Variants in CFAP61 observed in about 807,000 individuals in gnomAD.
CFAP61 encodes the protein cilia- and flagella-associated protein 61.
CFAP61 carries 107 observed loss-of-function variants against 135.6 expected under a neutral mutation model. The observed-to-expected ratio is 0.79, with a 90% CI of 0.67 to 0.93. The LOEUF (loss-of-function observed/expected upper bound fraction) is 0.93. CFAP61 is among the 40% of genes least tolerant of loss of function. CFAP61 has a pLI of 0.00. For synonymous variants in CFAP61, 575 were observed against 578.5 expected, an observed-to-expected ratio of 0.99 and a Z score of 0.09; for missense variants, 1,507 against 1,556.2, an observed-to-expected ratio of 0.97 and a Z score of 0.53.
intron 9 of CFAP61, among the ~76,000 whole-genome samples, chr20:20,145,547 C>T (rs2424277): frequency 0.9 from 136,979 of 151,922 alleles, 62,564 homozygotes; most frequent in Middle Eastern, 0.99. Context: ...TAAATGTAAA[C>T]GTTCCAAATG....
intron 7 of CFAP61, among the ~76,000 whole-genome samples, chr20:20,097,824 C>T (rs1357555775): frequency 1.3e-5 from 2 of 152,226 alleles, no homozygotes; most frequent in Non-Finnish European, 2.9e-5. Flanking sequence ...CCCTATCAGA[C>T]TATCCAGTTA....
chr20:20,249,441 A>G (rs940426136), intron 19 of CFAP61, among the ~76,000 whole-genome samples: 4 of 152,096 alleles, frequency 2.6e-5, no homozygotes, highest in African/African-American at 9.7e-5. Context: ...CGAGAGTCTG[A>G]GCGGGGAGGA....
intron 2 of CFAP61, among the ~76,000 whole-genome samples, chr20:20,060,383 A>G (rs1226695739): frequency 6.6e-6 from 1 of 152,228 alleles, no homozygotes; most frequent in Non-Finnish European, 1.5e-5. Flanking sequence ...TCAAAACACA[A>G]GAAGGAATGT....
At chr20:20,335,115 A>ATCC (rs2058133683) in intron 25 of CFAP61, among the ~76,000 whole-genome samples, 2 of 152,132 alleles carry the variant, frequency 1.3e-5, no homozygotes, top group Admixed American at 6.6e-5. Context: ...AACATGTAGG[A>ATCC]CTCTGAGGAT....
intron 25 of CFAP61, among the ~76,000 whole-genome samples, chr20:20,340,992 G>T (rs1049397326): frequency 2.6e-5 from 4 of 152,130 alleles, no homozygotes; most frequent in Non-Finnish European, 2.9e-5. Flanking sequence ...TAACTTTTAC[G>T]TCTTGGAAAA....
chr20:20,323,106 T>C, intron 25 of CFAP61: 1 of 985,464 alleles, frequency 1.0e-6, no homozygotes, highest in Non-Finnish European at 1.2e-6. Flanking sequence ...TGTGAGCTAC[T>C]CTGCCACTCG....
chr20:20,064,327 T>C (rs1030427554), intron 2 of CFAP61, among the ~76,000 whole-genome samples: 1 of 152,346 alleles, frequency 6.6e-6, no homozygotes, highest in Non-Finnish European at 1.5e-5. Flanking sequence ...AAGCTCAGCA[T>C]ACAATTTATT....
intron 25 of CFAP61, among the ~76,000 whole-genome samples, chr20:20,327,231 C>T (rs752401909): frequency 6.6e-6 from 1 of 152,060 alleles, no homozygotes; most frequent in Non-Finnish European, 1.5e-5. Flanking sequence ...TCCAATACTT[C>T]TACTTTCTAT....
At chr20:20,277,102 G>A in intron 21 of CFAP61, 64 bp from the exon 22 acceptor site, 1 of 1,299,576 alleles carries the variant, frequency 7.7e-7, no homozygotes, top group South Asian at 1.4e-5. Context: ...GGCATTATTA[G>A]CATTTGACTA....
intron 25 of CFAP61, among the ~76,000 whole-genome samples, chr20:20,305,823 C>T (rs1002049036): frequency 6.6e-6 from 1 of 152,224 alleles, no homozygotes; most frequent in Non-Finnish European, 1.5e-5. Context: ...AGTTTGCTCA[C>T]GTACTCTGGG....
At chr20:20,300,788 T>C (rs1021765102) in intron 25 of CFAP61, among the ~76,000 whole-genome samples, 2 of 152,142 alleles carry the variant, frequency 1.3e-5, no homozygotes, top group East Asian at 1.9e-4. Context: ...GCATTTTTAG[T>C]AGAGACGGGG....
intron 25 of CFAP61, among the ~76,000 whole-genome samples, chr20:20,309,884 G>A (rs964470009): frequency 6.6e-6 from 1 of 152,178 alleles, no homozygotes; most frequent in African/African-American, 2.4e-5. Context: ...GCACACGCAT[G>A]GGTGCCCTCT....
chr20:20,249,485 G>GC (rs2050725027), intron 19 of CFAP61, among the ~76,000 whole-genome samples: 1 of 152,228 alleles, frequency 6.6e-6, no homozygotes, highest in African/African-American at 2.4e-5. Context: ...GCTACAGTGA[G>GC]CCATGATTGT....
intron 24 of CFAP61, among the ~76,000 whole-genome samples, chr20:20,292,194 T>C (rs1018947964): frequency 6.6e-6 from 1 of 152,208 alleles, no homozygotes; most frequent in Admixed American, 6.5e-5. Flanking sequence ...CTGGGGAGCA[T>C]ACATAAAGTA....
intron 16 of CFAP61, among the ~76,000 whole-genome samples, chr20:20,198,449 C>CTGTT (rs1180210546): frequency 1.3e-5 from 2 of 152,330 alleles, no homozygotes; most frequent in East Asian, 3.9e-4. Flanking sequence ...ATGTTCCACA[C>CTGTT]TGTTGTATGT....
chr20:20,229,881 TC>T (rs2049003770), intron 18 of CFAP61, among the ~76,000 whole-genome samples: 2 of 152,184 alleles, frequency 1.3e-5, no homozygotes, highest in Non-Finnish European at 2.9e-5. Context: ...CTAGGAATAT[TC>T]CATTCCCAGG....
chr20:20,242,420 G>GC (rs1388720219), intron 18 of CFAP61, among the ~76,000 whole-genome samples: 1 of 152,240 alleles, frequency 6.6e-6, no homozygotes, highest in Middle Eastern at 3.2e-3. Flanking sequence ...TGAGCCTTGA[G>GC]CATGTGAGTT....
intron 8 of CFAP61, among the ~76,000 whole-genome samples, chr20:20,117,845 A>G (rs1164531807): frequency 6.6e-6 from 1 of 151,856 alleles, no homozygotes; most frequent in Non-Finnish European, 1.5e-5. Context: ...TATATTTTTT[A>G]TAGCTATTGT....
Position 20,296,567 on chromosome 20 carries a change from C to T in CFAP61, c.3217-1614C>T, listed in dbSNP as rs117548090. Among the ~76,000 whole-genome samples the T allele has an allele frequency of 7.3e-5, 11 of 151,562 alleles. No homozygotes were observed. In the East Asian group the frequency reaches 2.1e-3, roughly 29 times the overall value. On this transcript the variant is annotated intron_variant, in intron 24 of 26. Coordinates refer to ENST00000245957, the MANE Select transcript of CFAP61 (RefSeq NM_015585.4). ...TTCATCAAAAAATCTAGTTCCTTGC[C>T]ATGCCACAGCCTGAGTATTTAAAAA...
Sources: allele counts gnomAD v4.1 joint callset (sites outside exome capture counted in the v4.1 genomes callset), GRCh38; gene constraint gnomAD v4.1.1; transcripts MANE v1.5; gene names NCBI Gene and HGNC (gene_info 2026-07-23, HGNC 2026-07-21).